Variants in STPG2 observed in about 807,000 individuals in gnomAD.
STPG2 encodes the protein sperm-tail PG-rich repeat-containing protein 2.
Under a neutral mutation model 54.2 loss-of-function variants are expected in STPG2, and 56 were observed. The ratio of observed to expected loss-of-function variants is 1.03; its 90% CI spans 0.83 to 1.29. STPG2 has a LOEUF of 1.29. Among genes scored for constraint, STPG2 ranks in the 50% most tolerant of loss-of-function variants. The pLI is 0.00. For missense variants in STPG2, 596 were observed against 544.9 expected (o/e 1.09, Z -0.93); for synonymous variants, 200 against 181.8 (o/e 1.10, Z -0.81).
chr4:97,993,357 C>A (rs546229973), intron 5 of STPG2, among the ~76,000 whole-genome samples: 1 of 152,036 alleles, frequency 6.6e-6, no homozygotes, highest in African/African-American at 2.4e-5. Context: ...ATTTTTAATT[C>A]TATTTATGTA....
At chr4:97,922,854 CG>C (rs1312442868) in intron 8 of STPG2, among the ~76,000 whole-genome samples, 1 of 151,822 alleles carries the variant, frequency 6.6e-6, no homozygotes, top group Non-Finnish European at 1.5e-5. Flanking sequence ...GCTTTTTTCC[CG>C]GTGTCATTAT....
intron 10 of STPG2, among the ~76,000 whole-genome samples, chr4:97,580,358 C>T (rs1399088721): frequency 2.0e-5 from 3 of 151,848 alleles, no homozygotes; most frequent in Middle Eastern, 3.2e-3. Flanking sequence ...TAGAACAAGA[C>T]ATAAAGATTA....
At chr4:97,907,740 C>T (rs1397693021) in intron 8 of STPG2, among the ~76,000 whole-genome samples, 1 of 152,150 alleles carries the variant, frequency 6.6e-6, no homozygotes, top group Non-Finnish European at 1.5e-5. Context: ...TGATCTTTGA[C>T]AAACCTCAGA....
intron 8 of STPG2, among the ~76,000 whole-genome samples, chr4:97,883,929 G>A (rs1730469523): frequency 6.6e-6 from 1 of 152,098 alleles, no homozygotes; most frequent in Non-Finnish European, 1.5e-5. Flanking sequence ...AATAGGAAAA[G>A]GAAGGAAGAA....
At chr4:97,545,315 A>G (rs888295148) in intron 4 of STPG2, among the ~76,000 whole-genome samples, 2 of 152,144 alleles carry the variant, frequency 1.3e-5, no homozygotes, top group African/African-American at 4.8e-5. Flanking sequence ...ATTGGCTCAT[A>G]AAAAAGGGCT....
chr4:97,923,581 A>C (rs1348789665), intron 8 of STPG2, among the ~76,000 whole-genome samples: 1 of 152,234 alleles, frequency 6.6e-6, no homozygotes, highest in East Asian at 1.9e-4. Context: ...TTGTAAATGC[A>C]TCAATCAGCA....
At chr4:97,473,558 G>A (rs1335221328) in intron 4 of STPG2, among the ~76,000 whole-genome samples, 5 of 152,228 alleles carry the variant, frequency 3.3e-5, no homozygotes, top group South Asian at 4.1e-4. Context: ...ATGCGTGCCC[G>A]AAACTTCATT....
At chr4:97,534,229 T>C (rs1223337077) in intron 4 of STPG2, among the ~76,000 whole-genome samples, 2 of 152,118 alleles carry the variant, frequency 1.3e-5, no homozygotes, top group South Asian at 2.1e-4. Context: ...TGGTCATACA[T>C]GGTCATGAGG....
intron 7 of STPG2, among the ~76,000 whole-genome samples, chr4:97,965,915 C>G (rs1353078461): frequency 6.6e-6 from 1 of 152,146 alleles, no homozygotes; most frequent in East Asian, 1.9e-4. Context: ...GGGGAGAAAC[C>G]AAAGCAGAAA....
intron 5 of STPG2, among the ~76,000 whole-genome samples, chr4:98,057,138 G>C (rs931608185): frequency 2.6e-5 from 4 of 152,186 alleles, no homozygotes; most frequent in African/African-American, 9.7e-5. Flanking sequence ...CTAAAAGCCA[G>C]AGTGCCTTCT....
chr4:97,532,107 T>A (rs1401530924), intron 4 of STPG2, among the ~76,000 whole-genome samples: 1 of 152,186 alleles, frequency 6.6e-6, no homozygotes, highest in Non-Finnish European at 1.5e-5. Context: ...TGTTTTCTAA[T>A]AATTTTGTAT....
chr4:97,892,466 C>T (rs181564955), intron 8 of STPG2, among the ~76,000 whole-genome samples: 31 of 152,154 alleles, frequency 2.0e-4, no homozygotes, highest in Admixed American at 1.0e-3. Context: ...GAACAAAATG[C>T]CTTATTTATG....
chr4:97,541,474 C>A (rs1229608738), intron 4 of STPG2, among the ~76,000 whole-genome samples: 1 of 152,024 alleles, frequency 6.6e-6, no homozygotes, highest in African/African-American at 2.4e-5. Flanking sequence ...TGAAAGAGGA[C>A]ACAAGCAAAT....
At chr4:97,982,837 A>C (rs1734722878) in intron 5 of STPG2, among the ~76,000 whole-genome samples, 1 of 152,196 alleles carries the variant, frequency 6.6e-6, no homozygotes, top group Non-Finnish European at 1.5e-5. Flanking sequence ...TGGACATACT[A>C]CTAGGTGGGT....
rs555782601 is a variant in STPG2, at chr4:97,525,110, G to T, written c.462+187589C>A. ...GTTATTTATAAAAGAATGAACATTT[G>T]GACCACTCTAGCATTTTGCTCTAAT... On this transcript the variant is annotated intron_variant, in intron 4 of 4. Transcript: ENST00000522676. Among the ~76,000 whole-genome samples the T allele has an allele frequency of 3.3e-5, 5 of 151,856 alleles. No homozygotes were observed. The East Asian group carries it at 9.7e-4, about 29-fold the overall frequency.
intron 7 of STPG2, among the ~76,000 whole-genome samples, chr4:97,948,428 T>A (rs1286039217): frequency 6.6e-6 from 1 of 152,130 alleles, no homozygotes; most frequent in African/African-American, 2.4e-5. Flanking sequence ...GTAGTTCTAC[T>A]CTAATCTTTG....
At chr4:98,004,001 T>C (rs1735497466) in intron 5 of STPG2, among the ~76,000 whole-genome samples, 1 of 148,632 alleles carries the variant, frequency 6.7e-6, no homozygotes, top group South Asian at 2.2e-4. Flanking sequence ...ACTACGTGTG[T>C]GTGTGTATGT....
chr4:97,733,464 T>C (rs966534488), intron 9 of STPG2, among the ~76,000 whole-genome samples: 1 of 151,360 alleles, frequency 6.6e-6, no homozygotes, highest in Non-Finnish European at 1.5e-5. Flanking sequence ...GGAATAGGGA[T>C]CAAAAACTAC....
intron 4 of STPG2, among the ~76,000 whole-genome samples, chr4:97,450,749 T>C (rs911178931): frequency 1.3e-5 from 2 of 152,188 alleles, no homozygotes; most frequent in African/African-American, 2.4e-5. Context: ...ATTTTGGTGA[T>C]GACAAAAGTA....
Sources: allele counts gnomAD v4.1 joint callset (sites outside exome capture counted in the v4.1 genomes callset), GRCh38; gene constraint gnomAD v4.1.1; transcripts MANE v1.5; gene names NCBI Gene and HGNC (gene_info 2026-07-23, HGNC 2026-07-21).